DOCK1: variants seen among roughly 807,000 people sequenced by gnomAD.
The protein encoded by DOCK1 is dedicator of cytokinesis 1, also known as dedicator of cytokinesis protein 1.
DOCK1 carries 138 observed loss-of-function variants against 262.7 expected under a neutral mutation model. That is an observed-to-expected ratio of 0.53 (90% CI 0.46 to 0.61). DOCK1 has a LOEUF of 0.61. DOCK1 is among the 20% of genes least tolerant of loss of function. DOCK1 has a pLI of 0.00. For missense variants in DOCK1, 1,908 were observed against 2,370.7 expected (o/e 0.80, Z 4.05); for synonymous variants, 866 against 867.4 (o/e 1.00, Z 0.03).
intron 29 of DOCK1, among the ~76,000 whole-genome samples, chr10:127,266,920 G>T (rs1273544017): frequency 6.6e-6 from 1 of 152,156 alleles, no homozygotes. Flanking sequence ...TCCTAGGCTG[G>T]TTAACTTGGG....
intron 46 of DOCK1, among the ~76,000 whole-genome samples, chr10:127,421,867 G>A (rs1220295463): frequency 5.9e-5 from 9 of 152,132 alleles, no homozygotes; most frequent in Admixed American, 3.9e-4. Flanking sequence ...GTTTCTCCAC[G>A]GATCTGTCAA....
chr10:127,443,770 AGGGAGCAATTACT>A, intron 49 of DOCK1, among the ~76,000 whole-genome samples: 1 of 152,064 alleles, frequency 6.6e-6, no homozygotes, highest in East Asian at 1.9e-4. Context: ...TTAGCTACAG[AGGGAGCAATTACT>A]GGGTGTCTTA....
rs779152712 is a variant in DOCK1, at chr10:127,127,775, G to A, written c.2847+11G>A. 3 of 1,605,668 alleles carry A rather than the reference G, an allele frequency of 1.9e-6. No individual in the cohort carries two copies. Among genetic ancestry groups the A allele is most frequent in the Non-Finnish European group, 2.6e-6 (3 of 1,173,396 alleles). ...GATTCTGAACTCATTGTAAGTGCTT[G>A]GTGACATATGTTTGGATATTTAACT... On this transcript the variant is annotated intron_variant, in intron 27 of 51. Transcript: ENST00000623213.
At chr10:126,924,747 G>T (rs938410765) in intron 1 of DOCK1, among the ~76,000 whole-genome samples, 3 of 152,198 alleles carry the variant, frequency 2.0e-5, no homozygotes, top group Admixed American at 6.5e-5. Flanking sequence ...ACGTTTGTCT[G>T]CACAGTTTCC....
At chr10:127,022,417 C>T (rs528122426) in intron 13 of DOCK1, among the ~76,000 whole-genome samples, 6 of 152,124 alleles carry the variant, frequency 3.9e-5, no homozygotes, top group South Asian at 2.1e-4. Flanking sequence ...GCCATGTTGG[C>T]GTGCTGCACC....
chr10:127,252,019 C>A (rs999385595), intron 28 of DOCK1, among the ~76,000 whole-genome samples: 2 of 151,872 alleles, frequency 1.3e-5, no homozygotes, highest in African/African-American at 4.8e-5. Context: ...AAAAGTGTTC[C>A]TATTTCTCCA....
intron 29 of DOCK1, among the ~76,000 whole-genome samples, chr10:127,333,648 C>T (rs1309730065): frequency 6.6e-6 from 1 of 152,230 alleles, no homozygotes; most frequent in Non-Finnish European, 1.5e-5. Flanking sequence ...AGAACAAAAG[C>T]AAGGCTGGCG....
At chr10:127,235,159 T>C (rs2134613437) in intron 27 of DOCK1, among the ~76,000 whole-genome samples, 1 of 151,408 alleles carries the variant, frequency 6.6e-6, no homozygotes, top group Admixed American at 6.6e-5. Flanking sequence ...ATACGTATAT[T>C]TTATACATTA....
chr10:127,101,866 C>T (rs562759157), intron 23 of DOCK1, among the ~76,000 whole-genome samples: 8 of 152,188 alleles, frequency 5.3e-5, no homozygotes, highest in South Asian at 2.1e-4. Context: ...GCAAGCGAAA[C>T]GAGAGACCGG....
At chr10:126,950,524 C>T (rs2036120655) in intron 1 of DOCK1, among the ~76,000 whole-genome samples, 1 of 152,084 alleles carries the variant, frequency 6.6e-6, no homozygotes, top group Admixed American at 6.6e-5. Context: ...TGACAGTGCC[C>T]AGAATTGTCA....
At chr10:127,348,200 G>T (rs1347960473) in intron 31 of DOCK1, among the ~76,000 whole-genome samples, 1 of 151,836 alleles carries the variant, frequency 6.6e-6, no homozygotes, top group African/African-American at 2.4e-5. Context: ...AATTTAACTG[G>T]CTCAACCTTC....
intron 27 of DOCK1, among the ~76,000 whole-genome samples, chr10:127,212,826 A>AT (rs995171701): frequency 2.0e-5 from 3 of 151,170 alleles, no homozygotes; most frequent in Non-Finnish European, 4.4e-5. Flanking sequence ...AAAAAAAAAA[A>AT]GGATGGAGAA....
chr10:126,989,964 A>G (rs2039676751), intron 5 of DOCK1, among the ~76,000 whole-genome samples: 1 of 152,148 alleles, frequency 6.6e-6, no homozygotes, highest in Admixed American at 6.5e-5. Context: ...CTTCTTCCCT[A>G]TAGCTGAGCT....
chr10:127,415,395 T>C (rs922949195), intron 44 of DOCK1, among the ~76,000 whole-genome samples, 157 bp downstream of exon 44: 1 of 152,136 alleles, frequency 6.6e-6, no homozygotes, highest in Non-Finnish European at 1.5e-5. Context: ...CTTGAGAGCA[T>C]CGATATCTCC....
At chr10:127,009,482 T>C (rs1412429515) in intron 11 of DOCK1, among the ~76,000 whole-genome samples, 4 of 152,048 alleles carry the variant, frequency 2.6e-5, no homozygotes, top group Non-Finnish European at 5.9e-5. Flanking sequence ...CAGATGATGG[T>C]CGTTGGCCAC....
At chr10:127,196,210 T>TGCTGGCCCGGCCGGCCCC (rs1302916004) in intron 27 of DOCK1, 1 of 148,966 alleles carries the variant, frequency 6.7e-6, no homozygotes, top group Non-Finnish European at 1.5e-5. Context: ...GGCCCGGCCC[T>TGCTGGCCCGGCCGGCCCC]GCTGGCCCGG....
At chr10:127,376,921 C>T (rs773336706) in intron 35 of DOCK1, among the ~76,000 whole-genome samples, 3 of 152,222 alleles carry the variant, frequency 2.0e-5, no homozygotes, top group Non-Finnish European at 2.9e-5. Flanking sequence ...ATAAAACCTA[C>T]AATCACGGTT....
At chr10:126,970,411 TA>T (rs371258048) in intron 1 of DOCK1, among the ~76,000 whole-genome samples, 43 of 152,302 alleles carry the variant, frequency 2.8e-4, no homozygotes, top group African/African-American at 1.0e-3. Flanking sequence ...TTAGTGGAAA[TA>T]AAAGATAGTA....
At chr10:127,135,473 A>G (rs897449058) in intron 27 of DOCK1, 1 of 152,666 alleles carries the variant, frequency 6.6e-6, no homozygotes, top group African/African-American at 2.4e-5. Context: ...GAACTTAACG[A>G]CAAGTATAAT....
Sources: gnomAD v4.1 joint callset for allele counts (sites outside exome capture counted in the v4.1 genomes callset) on GRCh38, gnomAD v4.1.1 for gene constraint, MANE v1.5 for transcripts, NCBI Gene and HGNC (gene_info 2026-07-23, HGNC 2026-07-21) for gene names.